The following SPAG16 variants were observed in gnomAD, a reference collection of about 807,000 sequenced individuals.
The protein encoded by SPAG16 is sperm-associated antigen 16 protein.
Under a neutral mutation model 80.4 loss-of-function variants are expected in SPAG16, and 86 were observed. The observed-to-expected ratio is 1.07, with a 90% CI of 0.90 to 1.28. The LOEUF is 1.28. SPAG16 is among the 50% of genes most tolerant of loss of function. The pLI, the probability that SPAG16 is intolerant of heterozygous loss-of-function variation, is 0.00. For missense variants in SPAG16, 870 were observed against 765.3 expected (o/e 1.14, Z -1.61); for synonymous variants, 294 against 265.9 (o/e 1.11, Z -1.03).
chr2:213,981,722 T>G (rs1341072271), intron 12 of SPAG16, among the ~76,000 whole-genome samples: 1 of 152,050 alleles, frequency 6.6e-6, no homozygotes, highest in Non-Finnish European at 1.5e-5. Flanking sequence ...CCATTATATA[T>G]AATAGATTTA....
At chr2:214,365,156 C>T (rs1435227094) in intron 15 of SPAG16, among the ~76,000 whole-genome samples, 1 of 152,072 alleles carries the variant, frequency 6.6e-6, no homozygotes, top group East Asian at 1.9e-4. Flanking sequence ...CTGCTTTTAA[C>T]AAGAGATAGG....
intron 10 of SPAG16, among the ~76,000 whole-genome samples, chr2:213,552,904 C>G (rs1401977895): frequency 6.6e-6 from 1 of 152,082 alleles, no homozygotes; most frequent in East Asian, 1.9e-4. Flanking sequence ...TGTCAAACAT[C>G]AAATTCTTTG....
intron 10 of SPAG16, among the ~76,000 whole-genome samples, chr2:213,569,496 GT>G (rs2059847339): frequency 6.5e-5 from 1 of 15,268 alleles, no homozygotes; most frequent in Non-Finnish European, 1.3e-4. Context: ...AGATAATCAT[GT>G]GGTTTTTGTC....
chr2:213,730,719 T>C (rs1307085704), intron 10 of SPAG16, among the ~76,000 whole-genome samples: 2 of 152,198 alleles, frequency 1.3e-5, no homozygotes, highest in South Asian at 4.1e-4. Context: ...TGTCATTAAT[T>C]TGGAGGAAGT....
chr2:213,591,608 A>G (rs1282961183), intron 10 of SPAG16, among the ~76,000 whole-genome samples: 1 of 152,220 alleles, frequency 6.6e-6, no homozygotes, highest in Admixed American at 6.5e-5. Flanking sequence ...GATCATCATG[A>G]TAGGTATAGA....
chr2:213,851,155 T>G (rs1286387535), intron 10 of SPAG16, among the ~76,000 whole-genome samples: 1 of 152,148 alleles, frequency 6.6e-6, no homozygotes, highest in Non-Finnish European at 1.5e-5. Flanking sequence ...GTGGAAAGTT[T>G]TACATTGGAC....
At chr2:213,434,223 A>C (rs971934713) in intron 9 of SPAG16, among the ~76,000 whole-genome samples, 2 of 152,056 alleles carry the variant, frequency 1.3e-5, no homozygotes, top group African/African-American at 2.4e-5. Flanking sequence ...CCCAGCCAGG[A>C]CACTGTTTTC....
intron 5 of SPAG16, among the ~76,000 whole-genome samples, chr2:213,323,347 A>G (rs1163812158): frequency 2.0e-5 from 3 of 152,146 alleles, no homozygotes; most frequent in African/African-American, 7.2e-5. Context: ...AGGCTGAGGC[A>G]GGAGAATGGT....
intron 15 of SPAG16, among the ~76,000 whole-genome samples, chr2:214,288,674 C>A (rs1396103250): frequency 6.6e-6 from 1 of 152,164 alleles, no homozygotes; most frequent in African/African-American, 2.4e-5. Context: ...CATTTCCCTG[C>A]TGGTTAGCAA....
In SPAG16 at chr2:213,389,832, C is replaced by T. The variant is rs149145679; in HGVS notation, c.942+14713C>T. Reference sequence around the variant, plus strand: ...ATGGGAAAACAGTATGACAGTTCCTCAAAAAATAAAAAATAGAATTACCAT... The same window carrying T: ...ATGGGAAAACAGTATGACAGTTCCTTAAAAAATAAAAAATAGAATTACCAT... On this transcript the variant is annotated intron_variant, in intron 9 of 15. Coordinates refer to ENST00000331683, the MANE Select transcript of SPAG16 (RefSeq NM_024532.5). Among the ~76,000 whole-genome samples, 353 of 152,096 alleles carry T rather than the reference C, an allele frequency of 2.3e-3. 5 individuals are homozygous for T. In the South Asian group the frequency reaches 0.035, roughly 15 times the overall value.
chr2:213,328,537 C>T (rs1393185885), intron 5 of SPAG16, among the ~76,000 whole-genome samples: 3 of 152,148 alleles, frequency 2.0e-5, no homozygotes, highest in African/African-American at 4.8e-5. Context: ...CTCCTCTTCA[C>T]TTAGTACTCA....
chr2:213,898,244 G>T (rs1447667903), intron 11 of SPAG16, among the ~76,000 whole-genome samples: 1 of 152,108 alleles, frequency 6.6e-6, no homozygotes, highest in Non-Finnish European at 1.5e-5. Flanking sequence ...GATTTTTCCT[G>T]ATGTTCTAAT....
intron 10 of SPAG16, among the ~76,000 whole-genome samples, chr2:213,689,740 T>C (rs1263914950): frequency 1.3e-5 from 2 of 152,170 alleles, no homozygotes; most frequent in African/African-American, 4.8e-5. Flanking sequence ...AAACATGTGC[T>C]AATTAGTACC....
At chr2:214,319,239 G>T (rs1301194925) in intron 15 of SPAG16, among the ~76,000 whole-genome samples, 4 of 52,612 alleles carry the variant, frequency 7.6e-5, no homozygotes, top group Non-Finnish European at 2.1e-4. Context: ...GTGTAGAAAA[G>T]ATCTGAAAGG....
intron 15 of SPAG16, among the ~76,000 whole-genome samples, chr2:214,295,960 A>G (rs897011906): frequency 3.3e-5 from 5 of 152,186 alleles, no homozygotes; most frequent in African/African-American, 1.2e-4. Flanking sequence ...GATATAATGC[A>G]TAATGGTGAG....
chr2:214,316,533 AC>A (rs1298475539), intron 15 of SPAG16, among the ~76,000 whole-genome samples: 2 of 152,154 alleles, frequency 1.3e-5, no homozygotes, highest in African/African-American at 4.8e-5. Context: ...TTTTATAAGG[AC>A]CCGCGATGAA....
chr2:213,962,682 C>T (rs545599032), intron 12 of SPAG16, among the ~76,000 whole-genome samples: 1 of 152,272 alleles, frequency 6.6e-6, no homozygotes, highest in Admixed American at 6.5e-5. Flanking sequence ...TTTAAGCCAC[C>T]CAGTCTGTGG....
chr2:213,841,966 A>G (rs1484738007), intron 10 of SPAG16, among the ~76,000 whole-genome samples: 1 of 152,156 alleles, frequency 6.6e-6, no homozygotes, highest in Non-Finnish European at 1.5e-5. Flanking sequence ...AGGGGTTGAA[A>G]TCTTCCTACT....
chr2:213,391,148 A>C (rs1057391545), intron 9 of SPAG16, among the ~76,000 whole-genome samples: 2 of 152,106 alleles, frequency 1.3e-5, no homozygotes, highest in African/African-American at 4.8e-5. Flanking sequence ...CGTGCCTGTA[A>C]TTCCAGCTAC....
Sources: gnomAD v4.1 joint callset for allele counts (sites outside exome capture counted in the v4.1 genomes callset) on GRCh38, gnomAD v4.1.1 for gene constraint, MANE v1.5 for transcripts, NCBI Gene and HGNC (gene_info 2026-07-23, HGNC 2026-07-21) for gene names.